Variants in DENND1B observed in about 807,000 individuals in gnomAD.
DENND1B encodes the protein DENN domain-containing protein 1B.
Under a neutral mutation model 90.1 loss-of-function variants are expected in DENND1B, and 59 were observed. The observed-to-expected ratio is 0.65, with a 90% confidence interval of 0.53 to 0.81. DENND1B has a LOEUF of 0.81. Ranked by LOEUF, DENND1B falls within the 40% of genes least tolerant of loss-of-function variation. DENND1B has a pLI of 0.00. For missense variants in DENND1B, 862 were observed against 912.6 expected (o/e 0.94, Z 0.71); for synonymous variants, 337 against 324.6 (o/e 1.04, Z -0.41).
chr1:197,638,910 A>G (rs539332387), intron 10 of DENND1B, among the ~76,000 whole-genome samples: 156 of 152,274 alleles, frequency 1.0e-3, no homozygotes, highest in African/African-American at 3.4e-3. Flanking sequence ...CATTAAACTC[A>G]AACATGCAAA....
At chr1:197,728,221 T>C (rs555484903) in intron 2 of DENND1B, among the ~76,000 whole-genome samples, 12 of 152,306 alleles carry the variant, frequency 7.9e-5, no homozygotes, top group South Asian at 6.2e-4. Context: ...GTGATTCTTA[T>C]GTGCTGTTCT....
chr1:197,537,655 T>C (rs1376628351), intron 20 of DENND1B, among the ~76,000 whole-genome samples: 1 of 152,028 alleles, frequency 6.6e-6, no homozygotes, highest in Non-Finnish European at 1.5e-5. Flanking sequence ...CAAAACATCA[T>C]GTTATACACG....
chr1:197,680,036 G>C (rs987077602), intron 3 of DENND1B, among the ~76,000 whole-genome samples: 25 of 152,108 alleles, frequency 1.6e-4, no homozygotes, highest in African/African-American at 5.1e-4. Context: ...TATAGTCCCA[G>C]CTGCTCAAGA....
chr1:197,668,243 A>T (rs886929098), intron 5 of DENND1B, among the ~76,000 whole-genome samples: 2 of 152,094 alleles, frequency 1.3e-5, no homozygotes, highest in Admixed American at 1.3e-4. Context: ...CTGTTGCTGC[A>T]TTATTCATTT....
chr1:197,637,578 C>T (rs10442656), intron 10 of DENND1B, among the ~76,000 whole-genome samples: 31,171 of 151,984 alleles, frequency 0.21, 3,323 homozygotes, highest in African/African-American at 0.23. Context: ...CAATAAACTG[C>T]TTCCTGATGA....
rs190349967 is a variant in DENND1B, at chr1:197,537,455, C to T, written c.1515+2509G>A. Among the ~76,000 whole-genome samples, 26 of 152,046 alleles carry T rather than the reference C, an allele frequency of 1.7e-4. No homozygotes were observed. In the East Asian group the frequency reaches 3.1e-3, roughly 18 times the overall value. ...GAACCCATTATTCTATAAGGTTTTC[C>T]GTAACCTAATACAATTTTCTCTATC... On this transcript the variant is annotated intron_variant, in intron 20 of 22. Coordinates refer to ENST00000620048, the MANE Select transcript of DENND1B (RefSeq NM_001195215.2).
At chr1:197,667,112 C>G (rs1572250803) in intron 5 of DENND1B, among the ~76,000 whole-genome samples, 1 of 149,854 alleles carries the variant, frequency 6.7e-6, no homozygotes, top group Middle Eastern at 3.5e-3. Context: ...CCAGCCTGGC[C>G]GCAGAGCGAG....
Position 197,510,696 on chromosome 1 carries a change from T to C in DENND1B, c.2092A>G (p.Lys698Glu), listed in dbSNP as rs1215468003. Residue 698 changes from lysine (K) to glutamate (E), a missense_variant, in exon 23 of 23, where the codon AAA becomes GAA. Physicochemically the swap from Lys to Glu is moderately conservative, Grantham distance 56. Transcript: ENST00000620048. ...GTTTCCCTCTTTTCTGTTTTTCCTT[T>C]ATCAGTCTGGGAAACTTCAGGGGAA... ...LTSPEVSQTD[K>E]GKTEKRETLS... is the part of the protein sequence containing the mutation. 2 of 1,612,686 alleles carry C rather than the reference T, an allele frequency of 1.2e-6. No individual in the cohort carries two copies. The highest frequency in any genetic ancestry group is 2.7e-5 in the African/African-American group (2 of 74,780).
At chr1:197,731,927 G>A (rs1026618646) in intron 2 of DENND1B, among the ~76,000 whole-genome samples, 1 of 152,156 alleles carries the variant, frequency 6.6e-6, no homozygotes, top group South Asian at 2.1e-4. Flanking sequence ...TAGGATGAGT[G>A]GAGATTACAT....
At chr1:197,667,850 T>C (rs1655102801) in intron 5 of DENND1B, among the ~76,000 whole-genome samples, 1 of 152,190 alleles carries the variant, frequency 6.6e-6, no homozygotes, top group Non-Finnish European at 1.5e-5. Context: ...TAATTTTTAA[T>C]ATGATACCTG....
rs373234596 is a variant in DENND1B at position 197,652,250 on chromosome 1, A to C, written c.432T>G (p.Pro144=). The C allele has an allele frequency of 1.9e-6, 3 of 1,610,502 alleles. No homozygotes were observed. ...GAATACTTACCACACTCAAATTTAC[A>C]GGAGTATTTGCCTTTGGTACTGGGT... ...YNHPVPKANT[P]VNLSVNQEIF... The change falls in exon 7 of 23, where the codon CCT becomes CCG. Residue 144 remains proline (P), a synonymous_variant. Coordinates refer to ENST00000620048, the MANE Select transcript of DENND1B (RefSeq NM_001195215.2).
intron 15 of DENND1B, among the ~76,000 whole-genome samples, chr1:197,566,193 G>C (rs1429018891): frequency 1.3e-5 from 2 of 152,130 alleles, no homozygotes; most frequent in Non-Finnish European, 2.9e-5. Flanking sequence ...TAACTGGTGT[G>C]AGATGGTATC....
chr1:197,668,255 T>C (rs996875577), intron 5 of DENND1B, among the ~76,000 whole-genome samples: 6 of 152,048 alleles, frequency 3.9e-5, no homozygotes, highest in African/African-American at 1.4e-4. Context: ...TATTCATTTA[T>C]TTATTCAATA....
chr1:197,548,504 T>C (rs536028859), intron 16 of DENND1B, among the ~76,000 whole-genome samples: 25 of 152,322 alleles, frequency 1.6e-4, no homozygotes, highest in Non-Finnish European at 3.4e-4. Context: ...GTACATAGTA[T>C]ATTGAAGAAA....
chr1:197,734,540 T>A (rs948986308), intron 2 of DENND1B: 39 of 973,782 alleles, frequency 4.0e-5, no homozygotes, highest in Non-Finnish European at 4.8e-5. Context: ...AAAATAGATG[T>A]TTTGTGTTAT....
intron 10 of DENND1B, among the ~76,000 whole-genome samples, chr1:197,640,191 G>T (rs935059268): frequency 6.6e-6 from 1 of 151,962 alleles, no homozygotes; most frequent in Admixed American, 6.6e-5. Flanking sequence ...TAAATGTAGA[G>T]GCCGGGTGCG....
At chr1:197,688,816 C>G (rs1657537172) in intron 3 of DENND1B, 1 of 184,384 alleles carries the variant, frequency 5.4e-6, no homozygotes, top group Non-Finnish European at 1.2e-5. Context: ...TAGATTCATT[C>G]AAGTCCATTA....
intron 8 of DENND1B, among the ~76,000 whole-genome samples, chr1:197,646,467 A>C (rs1420226096): frequency 5.3e-5 from 8 of 151,912 alleles, no homozygotes. Flanking sequence ...AATGTTCCCA[A>C]ATTTTACCAC....
intron 21 of DENND1B, 102 bp downstream of exon 21, chr1:197,512,769 T>A (rs1668118648): frequency 3.0e-6 from 3 of 1,011,064 alleles, no homozygotes; most frequent in Non-Finnish European, 4.4e-6. Context: ...AAGGGCAACA[T>A]CTGAGCTCTA....
Sources: allele counts gnomAD v4.1 joint callset (sites outside exome capture counted in the v4.1 genomes callset), GRCh38; gene constraint gnomAD v4.1.1; transcripts MANE v1.5; gene names NCBI Gene and HGNC (gene_info 2026-07-23, HGNC 2026-07-21).